TBX1: variants seen among roughly 807,000 people sequenced by gnomAD.
The protein encoded by TBX1 is T-box transcription factor TBX1.
In TBX1, 16 loss-of-function variants were observed where a neutral mutation model predicts 40.8. That is an observed-to-expected ratio of 0.39 (90% confidence interval 0.27 to 0.60). The LOEUF is 0.60. Ranked by LOEUF, TBX1 falls within the 20% of genes least tolerant of loss-of-function variation. TBX1 has a pLI of 0.51. For synonymous variants in TBX1, 403 were observed against 336.8 expected, an observed-to-expected ratio of 1.20 and a Z score of -2.15; for missense variants, 755 against 728.5, an observed-to-expected ratio of 1.04 and a Z score of -0.42.
upstream of TBX1, chr22:19,759,559 G>C (rs737868): frequency 0.65 from 1,027,598 of 1,576,252 alleles, 336,463 homozygotes; most frequent in South Asian, 0.7. Context: ...TGGTTGCAGC[G>C]GAGGCGGCGG....
intron 1 of TBX1, among the ~76,000 whole-genome samples, chr22:19,762,604 G>A (rs1296122236): frequency 6.6e-6 from 1 of 152,198 alleles, no homozygotes; most frequent in African/African-American, 2.4e-5. Flanking sequence ...CTGGGTAGCT[G>A]CGTCTTGGGG....
chr22:19,758,208 TC>T (rs1936529840), upstream of TBX1, among the ~76,000 whole-genome samples: 1 of 152,116 alleles, frequency 6.6e-6, no homozygotes, highest in Non-Finnish European at 1.5e-5. Context: ...GTTGCCTGCC[TC>T]CCACTCCCAT....
chr22:19,773,226 C>A (rs180813442), intron 8 of TBX1, among the ~76,000 whole-genome samples: 1 of 152,198 alleles, frequency 6.6e-6, no homozygotes, highest in Non-Finnish European at 1.5e-5. Flanking sequence ...TGCAGCTGAC[C>A]GATCTGAAAG....
At chr22:19,778,299 C>T (rs1601307665) in intron 8 of TBX1, among the ~76,000 whole-genome samples, 2 of 152,072 alleles carry the variant, frequency 1.3e-5, no homozygotes, top group African/African-American at 4.8e-5. Flanking sequence ...GGGGGTCTCA[C>T]TATGTTGCCC....
chr22:19,783,525 G>A (rs1275071773), downstream of TBX1: 1 of 192,830 alleles, frequency 5.2e-6, no homozygotes, highest in East Asian at 1.4e-4. Flanking sequence ...ACTCCAGCCT[G>A]GGTGACAGAG....
Position 19,760,896 on chromosome 22 carries a change from A to G in TBX1, c.53A>G (p.Asp18Gly). Residue 18 changes from aspartate to glycine, a missense_variant, in exon 1 of 7, where the codon GAC becomes GGC. Around this residue, in one of 3 missense-constraint regions of TBX1, gnomAD observed 199 missense variants for 173.0 expected, o/e 1.15. Transcript: ENST00000649276. ...PWLTQLSHFC[D>G]VAAFTASSLS... Reference sequence around the variant, plus strand: ...CTCACGCAGCTCTCGCATTTCTGCGACGTTGCAGCCTTCACGGCCAGCAGC... The same window carrying G: ...CTCACGCAGCTCTCGCATTTCTGCGGCGTTGCAGCCTTCACGGCCAGCAGC... 9.5e-7 allele frequency: 1 copy of G among 1,057,580 alleles called. No individual in the cohort carries two copies. 65.5% of individuals were successfully genotyped at this position (1,057,580 alleles called of 1,614,324 possible). A position where few individuals can be genotyped will look rare whatever the true frequency, so the allele number is the denominator to read the frequency against.
chr22:19,759,216 T>G (rs1282806825), upstream of TBX1, among the ~76,000 whole-genome samples: 1 of 152,154 alleles, frequency 6.6e-6, no homozygotes, highest in African/African-American at 2.4e-5. Flanking sequence ...TCAAGGGGCG[T>G]TGGTCATGGA....
chr22:19,760,701 G>A (rs1169756000), upstream of TBX1, among the ~76,000 whole-genome samples: 5 of 136,270 alleles, frequency 3.7e-5, no homozygotes, highest in Admixed American at 3.5e-4. Context: ...CGGGCGGGGC[G>A]GGGCGGGGCG....
At chr22:19,772,166 A>G (rs1007667053), downstream of TBX1, among the ~76,000 whole-genome samples, 3 of 150,704 alleles carry the variant, frequency 2.0e-5, no homozygotes, top group African/African-American at 7.3e-5. Context: ...GCAGTGGCAC[A>G]ATCTCAGTTC....
rs1936881086 is a variant in TBX1 at position 19,766,912 on chromosome 22, A to G, written c.*45A>G. On this transcript the variant is annotated 3_prime_UTR_variant, in exon 7 of 7. Coordinates refer to ENST00000649276, the MANE Select transcript of TBX1 (RefSeq NM_001379200.1). ...CCGCCCCGGTCCTGCACAGCCCCGAAGTTCGCCGGGCCCGGCCACCCTGCC... is the reference window on the plus strand; with the variant it reads ...CCGCCCCGGTCCTGCACAGCCCCGAGGTTCGCCGGGCCCGGCCACCCTGCC... 2 of 1,571,172 alleles carry G rather than the reference A, an allele frequency of 1.3e-6. No homozygotes were observed. The highest frequency in any genetic ancestry group is 1.4e-5 in the African/African-American group (1 of 72,928).
At chr22:19,761,966 T>G (rs1029078908) in intron 1 of TBX1, among the ~76,000 whole-genome samples, 1 of 152,228 alleles carries the variant, frequency 6.6e-6, no homozygotes, top group Admixed American at 6.5e-5. Flanking sequence ...ATTTGACCGG[T>G]AGACAAAGGC....
At chr22:19,761,314 C>T (rs373106028) in intron 1 of TBX1, 34 bp downstream of exon 1, 22 of 1,521,016 alleles carry the variant, frequency 1.4e-5, no homozygotes, top group Admixed American at 5.7e-5. Context: ...GCGACCCTCC[C>T]CACGTGCTGC....
chr22:19,761,801 A>G lies in TBX1; in HGVS notation c.437+521A>G, dbSNP rs139964141. Among the ~76,000 whole-genome samples, 1,075 of 152,356 alleles carry G rather than the reference A, an allele frequency of 7.1e-3. 10 individuals carry two copies. The highest frequency in any genetic ancestry group is 0.024 in the African/African-American group (1,013 of 41,578). On this transcript the variant is annotated intron_variant, in intron 1 of 6. Transcript: ENST00000649276. ...AGGATTACCCTTAAAAACAGCGTGC[A>G]CTGTTGCGTGGAAGTTGCTACCCAG...
upstream of TBX1, among the ~76,000 whole-genome samples, chr22:19,760,739 G>T (rs1380158390): frequency 1.4e-5 from 2 of 141,126 alleles, no homozygotes; most frequent in Non-Finnish European, 3.2e-5. Flanking sequence ...TGCGGTGTGG[G>T]GCTGCACGGC....
chr22:19,760,635 G>A (rs1280422953), upstream of TBX1, among the ~76,000 whole-genome samples: 1 of 102,638 alleles, frequency 9.7e-6, no homozygotes, highest in Non-Finnish European at 2.0e-5. Flanking sequence ...CGGGGGAGGG[G>A]CGAGGGCCGG....
chr22:19,757,098 G>C (rs1936503854), upstream of TBX1, among the ~76,000 whole-genome samples: 1 of 152,220 alleles, frequency 6.6e-6, no homozygotes, highest in South Asian at 2.1e-4. Context: ...TCCCAGCGTT[G>C]AGCAACGGGG....
intron 1 of TBX1, among the ~76,000 whole-genome samples, chr22:19,762,296 G>T (rs559132605): frequency 3.9e-5 from 6 of 152,388 alleles, no homozygotes; most frequent in African/African-American, 1.2e-4. Context: ...AGAGGCTTCG[G>T]GTGGGGGAGG....
At chr22:19,776,016 C>T (rs927239057) in intron 8 of TBX1, among the ~76,000 whole-genome samples, 6 of 152,108 alleles carry the variant, frequency 3.9e-5, no homozygotes, top group South Asian at 2.1e-4. Context: ...TCCAAGTGCT[C>T]GGGCCCCAGG....
chr22:19,766,913 G>T lies in TBX1; in HGVS notation c.*46G>T. The T allele has an allele frequency of 6.4e-7, 1 of 1,571,546 alleles. No homozygotes were observed. The highest frequency in any genetic ancestry group is 8.6e-7 in the Non-Finnish European group (1 of 1,167,206). Reference sequence around the variant, plus strand: ...CGCCCCGGTCCTGCACAGCCCCGAAGTTCGCCGGGCCCGGCCACCCTGCCC... The same window carrying T: ...CGCCCCGGTCCTGCACAGCCCCGAATTTCGCCGGGCCCGGCCACCCTGCCC... On this transcript the variant is annotated 3_prime_UTR_variant, in exon 7 of 7. Coordinates refer to ENST00000649276, the MANE Select transcript of TBX1 (RefSeq NM_001379200.1).
Sources: allele counts gnomAD v4.1 joint callset (sites outside exome capture counted in the v4.1 genomes callset), GRCh38; gene constraint gnomAD v4.1.1; regional missense constraint gnomAD v4.1.1; transcripts MANE v1.5; gene names NCBI Gene and HGNC (gene_info 2026-07-23, HGNC 2026-07-21).